Variants in STPG2 observed in about 807,000 individuals in gnomAD.
STPG2 encodes sperm-tail PG-rich repeat-containing protein 2.
STPG2 carries 56 observed loss-of-function variants against 54.2 expected under a neutral mutation model. The ratio of observed to expected loss-of-function variants is 1.03; its 90% CI spans 0.83 to 1.29. The LOEUF (loss-of-function observed/expected upper bound fraction) is 1.29. STPG2 is among the 50% of genes most tolerant of loss of function. The pLI, the probability that STPG2 is intolerant of heterozygous loss-of-function variation, is 0.00. For synonymous variants in STPG2, 200 were observed against 181.8 expected, an observed-to-expected ratio of 1.10 and a Z score of -0.81; for missense variants, 596 against 544.9, an observed-to-expected ratio of 1.09 and a Z score of -0.93.
chr4:98,121,419 G>A (rs1229287200), intron 3 of STPG2, among the ~76,000 whole-genome samples: 1 of 152,266 alleles, frequency 6.6e-6, no homozygotes, highest in East Asian at 1.9e-4. Context: ...TACTAATTCT[G>A]TGAAGAATGT....
intron 5 of STPG2, among the ~76,000 whole-genome samples, chr4:98,003,389 A>G (rs149794498): frequency 2.0e-3 from 301 of 151,902 alleles, no homozygotes; most frequent in African/African-American, 7.1e-3. Context: ...TAAATAATAC[A>G]TCATCAGTTT....
intron 9 of STPG2, among the ~76,000 whole-genome samples, chr4:97,796,705 A>C (rs910417685): frequency 6.6e-6 from 1 of 152,152 alleles, no homozygotes. Flanking sequence ...GTTCCATATA[A>C]ACTTTAAAGT....
intron 4 of STPG2, among the ~76,000 whole-genome samples, chr4:97,534,496 T>C (rs989919908): frequency 1.3e-5 from 2 of 152,198 alleles, no homozygotes; most frequent in African/African-American, 2.4e-5. Context: ...CATATGGATA[T>C]ATATTCAGTA....
chr4:97,976,888 C>T (rs952055035), intron 6 of STPG2, among the ~76,000 whole-genome samples: 5 of 152,102 alleles, frequency 3.3e-5, no homozygotes, highest in Admixed American at 6.6e-5. Context: ...CTTAGAGTAA[C>T]TGGGCCACTC....
chr4:98,064,706 T>G (rs1737770371), intron 5 of STPG2, among the ~76,000 whole-genome samples: 1 of 152,150 alleles, frequency 6.6e-6, no homozygotes, highest in East Asian at 1.9e-4. Flanking sequence ...CAAAATAAAT[T>G]CAGCGGTATA....
chr4:97,834,736 G>C (rs894785641), intron 9 of STPG2, among the ~76,000 whole-genome samples: 1 of 152,064 alleles, frequency 6.6e-6, no homozygotes, highest in African/African-American at 2.4e-5. Flanking sequence ...TGTTCAACCA[G>C]TGATCTCTGG....
At chr4:97,599,929 T>A (rs1733414305) in intron 10 of STPG2, among the ~76,000 whole-genome samples, 1 of 152,112 alleles carries the variant, frequency 6.6e-6, no homozygotes, top group African/African-American at 2.4e-5. Flanking sequence ...GAGATCACGT[T>A]CTTTGCTGCA....
At chr4:98,119,565 CCT>C (rs1043288216) in intron 3 of STPG2, among the ~76,000 whole-genome samples, 6 of 151,572 alleles carry the variant, frequency 4.0e-5, no homozygotes, top group Admixed American at 3.9e-4. Context: ...AATGAAATGC[CCT>C]GATTTTGATA....
At chr4:97,443,619 C>A (rs566045746) in intron 4 of STPG2, among the ~76,000 whole-genome samples, 1 of 152,182 alleles carries the variant, frequency 6.6e-6, no homozygotes, top group African/African-American at 2.4e-5. Flanking sequence ...AGAATTACAT[C>A]AACTCTTAAC....
At chr4:97,563,197 C>A (rs1301136477) in intron 10 of STPG2, among the ~76,000 whole-genome samples, 2 of 152,146 alleles carry the variant, frequency 1.3e-5, no homozygotes, top group African/African-American at 4.8e-5. Flanking sequence ...AGGAATTTAT[C>A]CATTTCTTCT....
At chr4:97,554,200 G>C (rs1044298178), downstream of STPG2, among the ~76,000 whole-genome samples, 4 of 152,166 alleles carry the variant, frequency 2.6e-5, no homozygotes, top group Non-Finnish European at 4.4e-5. Flanking sequence ...AAAGGTGAGA[G>C]CTGGGGTTTC....
intron 4 of STPG2, among the ~76,000 whole-genome samples, chr4:97,526,286 A>T (rs1193707947): frequency 6.6e-6 from 1 of 152,058 alleles, no homozygotes; most frequent in Non-Finnish European, 1.5e-5. Flanking sequence ...TCCTTATTCT[A>T]GCCTGTGTTA....
At chr4:97,831,324 T>A (rs1728450947) in intron 9 of STPG2, among the ~76,000 whole-genome samples, 1 of 152,044 alleles carries the variant, frequency 6.6e-6, no homozygotes, top group Non-Finnish European at 1.5e-5. Flanking sequence ...TTGAAACCAA[T>A]GAGAACAAAA....
intron 9 of STPG2, among the ~76,000 whole-genome samples, chr4:97,813,677 T>TAAAAAAAAAAAAAAAAAAAA (rs869298230): frequency 2.2e-5 from 1 of 45,930 alleles, no homozygotes; most frequent in Non-Finnish European, 4.2e-5. Flanking sequence ...CCCTGTCTCT[T>TAAAAAAAAAAAAAAAAAAAA]AAAAAAAAAA....
At chr4:98,091,941 G>A (rs903023394) in intron 5 of STPG2, among the ~76,000 whole-genome samples, 1 of 151,910 alleles carries the variant, frequency 6.6e-6, no homozygotes, top group African/African-American at 2.4e-5. Flanking sequence ...TCCAAAGTCT[G>A]AATTCTTTAC....
chr4:97,762,941 C>T (rs148906822), intron 9 of STPG2, among the ~76,000 whole-genome samples: 1,630 of 152,198 alleles, frequency 0.011, 31 homozygotes, highest in African/African-American at 0.037. Flanking sequence ...TTCAATTTGA[C>T]CTTCAGAATA....
chr4:97,603,630 G>A (rs185115126), intron 10 of STPG2, among the ~76,000 whole-genome samples: 6 of 151,086 alleles, frequency 4.0e-5, no homozygotes, highest in East Asian at 1.9e-4. Context: ...TATATATATC[G>A]TTATATATAT....
At chr4:97,511,343 A>G (rs1417873654) in intron 4 of STPG2, among the ~76,000 whole-genome samples, 1 of 151,994 alleles carries the variant, frequency 6.6e-6, no homozygotes, top group African/African-American at 2.4e-5. Context: ...ATTTATGGTG[A>G]AAAAAACTAA....
At position 97,829,477 on chromosome 4, in the gene STPG2, T is replaced by C. The variant is rs531350115; in HGVS notation, c.1204+11296A>G. 4.6e-5 allele frequency among the ~76,000 whole-genome samples: 7 copies of C among 152,144 alleles called. No individual in the cohort carries two copies. In the South Asian group the frequency reaches 1.5e-3, roughly 32 times the overall value. ...AGAACATCTCTTCTACTCCAAAGGA[T>C]CACAACTCCTCATCAGAAAGGTAAC... is the stretch of plus-strand genomic sequence containing the variant. On this transcript the variant is annotated intron_variant, in intron 9 of 10. Coordinates refer to ENST00000295268, the MANE Select transcript of STPG2 (RefSeq NM_174952.3).
Sources: gnomAD v4.1 joint callset for allele counts (sites outside exome capture counted in the v4.1 genomes callset) on GRCh38, gnomAD v4.1.1 for gene constraint, MANE v1.5 for transcripts, NCBI Gene and HGNC (gene_info 2026-07-23, HGNC 2026-07-21) for gene names.